The following ZFAT variants were observed in gnomAD, a reference collection of about 807,000 sequenced individuals.
ZFAT encodes zinc finger and AT-hook domain containing.
In ZFAT, 64 loss-of-function variants were observed where a neutral mutation model predicts 117.7. That is an observed-to-expected ratio of 0.54 (90% CI 0.44 to 0.67). The LOEUF (loss-of-function observed/expected upper bound fraction) is 0.67. Among genes scored for constraint, ZFAT ranks in the 30% least tolerant of loss-of-function variants. The pLI, the probability that ZFAT is intolerant of heterozygous loss-of-function variation, is 0.00. For synonymous variants in ZFAT, 679 were observed against 615.0 expected (o/e 1.10, Z -1.54); for missense variants, 1,433 against 1,584.5 (o/e 0.90, Z 1.62).
intron 10 of ZFAT, among the ~76,000 whole-genome samples, chr8:134,573,213 A>G (rs575607941): frequency 6.6e-6 from 1 of 152,266 alleles, no homozygotes; most frequent in Non-Finnish European, 1.5e-5. Flanking sequence ...ATTGAGCTGT[A>G]CACTCCTGAA....
chr8:134,503,324 C>T (rs947830235), intron 15 of ZFAT, among the ~76,000 whole-genome samples: 7 of 152,148 alleles, frequency 4.6e-5, no homozygotes, highest in African/African-American at 1.7e-4. Flanking sequence ...TACGGATCTG[C>T]CAATGGATGT....
intron 12 of ZFAT, among the ~76,000 whole-genome samples, chr8:134,528,930 A>C (rs763787758): frequency 2.6e-5 from 4 of 152,210 alleles, no homozygotes; most frequent in Non-Finnish European, 4.4e-5. Context: ...ATACATGCTC[A>C]AAGTAGAAAT....
At chr8:134,531,681 T>C (rs1364344197) in intron 12 of ZFAT, among the ~76,000 whole-genome samples, 1 of 152,186 alleles carries the variant, frequency 6.6e-6, no homozygotes, top group Non-Finnish European at 1.5e-5. Context: ...CCCAGCTCCA[T>C]AAAACTGCCA....
At chr8:134,822,378 T>C in the ZFAT span, among the ~76,000 whole-genome samples, 1 of 152,082 alleles carries the variant, frequency 6.6e-6, no homozygotes, top group Non-Finnish European at 1.5e-5. Context: ...CAAATTCCCA[T>C]ATGTTCTCTG....
At chr8:134,686,252 G>A (rs999345275) in intron 1 of ZFAT, among the ~76,000 whole-genome samples, 1 of 152,218 alleles carries the variant, frequency 6.6e-6, no homozygotes, top group Admixed American at 6.5e-5. Context: ...ATGACACGGA[G>A]AGGAATAAGC....
At chr8:134,674,244 C>T (rs1832688131) in intron 1 of ZFAT, among the ~76,000 whole-genome samples, 1 of 152,202 alleles carries the variant, frequency 6.6e-6, no homozygotes, top group South Asian at 2.1e-4. Flanking sequence ...AGCCCAGGTA[C>T]TGCGCTTTTC....
chr8:134,569,373 C>T (rs189013912), intron 10 of ZFAT, among the ~76,000 whole-genome samples: 77 of 152,280 alleles, frequency 5.1e-4, no homozygotes, highest in African/African-American at 1.8e-3. Context: ...TTCACAGCCA[C>T]ATAAGAATCT....
At chr8:134,523,314 C>T (rs1820797049) in intron 12 of ZFAT, among the ~76,000 whole-genome samples, 1 of 152,196 alleles carries the variant, frequency 6.6e-6, no homozygotes. Flanking sequence ...CTGCCCAGGA[C>T]ATATATTATC....
the ZFAT span, among the ~76,000 whole-genome samples, chr8:134,733,013 G>A: frequency 1.9e-4 from 29 of 152,294 alleles, no homozygotes; most frequent in Admixed American, 2.0e-4. Flanking sequence ...TGTAACAAAT[G>A]TGCCACACTA....
At chr8:134,515,176 G>T (rs1820163639) in intron 13 of ZFAT, among the ~76,000 whole-genome samples, 2 of 152,176 alleles carry the variant, frequency 1.3e-5, no homozygotes, top group African/African-American at 4.8e-5. Context: ...CATGGTGTAT[G>T]TGTACTGAAT....
chr8:134,569,641 C>T (rs1824733329), intron 10 of ZFAT, among the ~76,000 whole-genome samples: 1 of 152,002 alleles, frequency 6.6e-6, no homozygotes, highest in Admixed American at 6.6e-5. Context: ...GAGGTAATCC[C>T]CATCTGCTGT....
At chr8:134,646,625 A>G (rs1345918323) in intron 2 of ZFAT, among the ~76,000 whole-genome samples, 1 of 152,126 alleles carries the variant, frequency 6.6e-6, no homozygotes, top group Non-Finnish European at 1.5e-5. Flanking sequence ...TGTTGTTTGA[A>G]AAGATAAACA....
chr8:134,766,144 T>C, the ZFAT span: 1 of 152,188 alleles, frequency 6.6e-6, no homozygotes, highest in Non-Finnish European at 1.5e-5. Context: ...CATTCAGTCA[T>C]CAATAAACAT....
At chr8:134,622,703 G>A (rs1248785144) in intron 3 of ZFAT, among the ~76,000 whole-genome samples, 1 of 152,094 alleles carries the variant, frequency 6.6e-6, no homozygotes, top group African/African-American at 2.4e-5. Context: ...ACTGCTCTCT[G>A]GCTTCCAACT....
the ZFAT span, among the ~76,000 whole-genome samples, chr8:134,827,723 G>A: frequency 1.3e-5 from 2 of 149,250 alleles, no homozygotes; most frequent in African/African-American, 2.5e-5. Context: ...AGCCAAAATC[G>A]CGCCACTGCA....
upstream of ZFAT, chr8:134,713,111 G>C (rs1300191871): frequency 2.5e-6 from 1 of 402,328 alleles, no homozygotes; most frequent in Non-Finnish European, 4.3e-6. Flanking sequence ...CCCCGGCGCC[G>C]AGCGCGGCCC....
intron 1 of ZFAT, among the ~76,000 whole-genome samples, chr8:134,704,007 C>G (rs955574977): frequency 6.6e-6 from 1 of 152,186 alleles, no homozygotes; most frequent in African/African-American, 2.4e-5. Flanking sequence ...CCAAATAGGT[C>G]TGTGGGGACC....
intron 2 of ZFAT, among the ~76,000 whole-genome samples, chr8:134,647,005 T>C (rs7011146): frequency 0.29 from 43,591 of 151,930 alleles, 6,925 homozygotes; most frequent in South Asian, 0.53. Flanking sequence ...CTCAAGCTCT[T>C]CAAAAAAATT....
intron 10 of ZFAT, among the ~76,000 whole-genome samples, chr8:134,569,330 T>C (rs1824708407): frequency 1.3e-5 from 2 of 152,124 alleles, no homozygotes; most frequent in Admixed American, 6.5e-5. Context: ...GAGCCCAGAT[T>C]TGGCCCTCAG....
Sources: gnomAD v4.1 joint callset for allele counts (sites outside exome capture counted in the v4.1 genomes callset) on GRCh38, gnomAD v4.1.1 for gene constraint, MANE v1.5 for transcripts, NCBI Gene and HGNC (gene_info 2026-07-23, HGNC 2026-07-21) for gene names.